Variants in POU6F2 observed in about 807,000 individuals in gnomAD.
POU6F2 encodes POU class 6 homeobox 2.
POU6F2 carries 31 observed loss-of-function variants against 71.3 expected under a neutral mutation model. The ratio of observed to expected loss-of-function variants is 0.43; its 90% CI spans 0.33 to 0.59. The LOEUF (loss-of-function observed/expected upper bound fraction) is 0.59. Ranked by LOEUF, POU6F2 falls within the 20% of genes least tolerant of loss-of-function variation. The pLI is 0.04. For synonymous variants in POU6F2, 347 were observed against 355.7 expected (o/e 0.98, Z 0.27); for missense variants, 783 against 856.8 (o/e 0.91, Z 1.07).
Position 39,364,074 on chromosome 7 carries a change from A to G in POU6F2, c.972+24059A>G, listed in dbSNP as rs78336555. On this transcript the variant is annotated intron_variant, in intron 5 of 9. Transcript: ENST00000518318. ...GAGATCCCGTAGAGGGAGGAAATTG[A>G]TGAAACAAATCAGGGATGTTCTTGA... 6.1e-3 allele frequency among the ~76,000 whole-genome samples: 929 copies of G among 152,288 alleles called. 3 individuals carry two copies. The highest frequency in any genetic ancestry group is 0.021 in the African/African-American group (865 of 41,556).
intron 5 of POU6F2, among the ~76,000 whole-genome samples, chr7:39,359,036 T>C (rs1208425552): frequency 1.3e-5 from 2 of 152,302 alleles, no homozygotes; most frequent in African/African-American, 4.8e-5. Context: ...TTCGCTTCTG[T>C]TTCCTTCATG....
Position 39,226,430 on chromosome 7 carries a change from T to C in POU6F2, c.598+18810T>C, listed in dbSNP as rs77497747. ...TTGTTGAATGCATTCAGCCTTTTACTTGAGGTTATTAGAAGAACATCAAAT... is the reference window on the plus strand; with the variant it reads ...TTGTTGAATGCATTCAGCCTTTTACCTGAGGTTATTAGAAGAACATCAAAT... On this transcript the variant is annotated intron_variant, in intron 4 of 9. Coordinates refer to ENST00000518318, the MANE Select transcript of POU6F2 (RefSeq NM_001370959.1). Among the ~76,000 whole-genome samples, 770 of 152,330 alleles carry C rather than the reference T, an allele frequency of 5.1e-3. 8 individuals carry two copies. The highest frequency in any genetic ancestry group is 0.018 in the African/African-American group (744 of 41,574).
At chr7:39,399,860 CAAAA>C in intron 5 of POU6F2, among the ~76,000 whole-genome samples, 1 of 94,714 alleles carries the variant, frequency 1.1e-5, no homozygotes, top group East Asian at 5.2e-4. Flanking sequence ...AAGAATGTAA[CAAAA>C]AAAAAAAGAA....
chr7:39,025,378 A>T (rs1412904579), intron 1 of POU6F2, among the ~76,000 whole-genome samples: 3 of 152,210 alleles, frequency 2.0e-5, no homozygotes, highest in African/African-American at 7.2e-5. Flanking sequence ...CCAAAACAGC[A>T]TGGTACTGGT....
intron 1 of POU6F2, among the ~76,000 whole-genome samples, chr7:39,002,952 G>A (rs859551): frequency 0.2 from 31,108 of 152,202 alleles, 3,399 homozygotes; most frequent in Middle Eastern, 0.28. Flanking sequence ...CTGAGTTGCT[G>A]TTAGTTATAC....
chr7:39,041,523 C>A (rs1790193347), intron 1 of POU6F2, among the ~76,000 whole-genome samples: 2 of 151,788 alleles, frequency 1.3e-5, no homozygotes, highest in South Asian at 4.2e-4. Flanking sequence ...ATTTTATAGG[C>A]AAAATGATAA....
intron 5 of POU6F2, among the ~76,000 whole-genome samples, chr7:39,360,242 T>C (rs1474226714): frequency 6.6e-6 from 1 of 152,214 alleles, no homozygotes; most frequent in African/African-American, 2.4e-5. Context: ...TTTTGAGATA[T>C]ACTGCCCACA....
Position 39,121,560 on chromosome 7 carries a change from T to G in POU6F2, c.277+35529T>G, listed in dbSNP as rs1792042585. ...TTCTCACTCATTATCTTGTAGTAGGTACATACTATATTTGCTGTTTTCTTT... is the reference window on the plus strand; with the variant it reads ...TTCTCACTCATTATCTTGTAGTAGGGACATACTATATTTGCTGTTTTCTTT... On this transcript the variant is annotated intron_variant, in intron 2 of 9. Transcript: ENST00000518318. Among the ~76,000 whole-genome samples the G allele has an allele frequency of 2.0e-5, 3 of 152,250 alleles. No individual in the cohort carries two copies. In the South Asian group the frequency reaches 6.2e-4, roughly 32 times the overall value.
intron 1 of POU6F2, among the ~76,000 whole-genome samples, chr7:39,014,374 T>C (rs1293119504): frequency 1.3e-5 from 2 of 152,206 alleles, no homozygotes. Context: ...GAGCAGATGC[T>C]ATAACTATAA....
intron 5 of POU6F2, among the ~76,000 whole-genome samples, chr7:39,370,599 C>T (rs1387674286): frequency 1.3e-5 from 2 of 152,206 alleles, no homozygotes; most frequent in Non-Finnish European, 2.9e-5. Context: ...GCCAACTATG[C>T]CCCCTCCCCA....
At chr7:39,115,076 G>A (rs559340734) in intron 2 of POU6F2, among the ~76,000 whole-genome samples, 15 of 152,236 alleles carry the variant, frequency 9.9e-5, no homozygotes, top group South Asian at 2.1e-4. Context: ...TGTCAGGTGC[G>A]TGTGGAAAGC....
intron 6 of POU6F2, among the ~76,000 whole-genome samples, chr7:39,414,794 G>A (rs772738973): frequency 6.7e-6 from 1 of 149,228 alleles, no homozygotes; most frequent in Non-Finnish European, 1.5e-5. Flanking sequence ...AGCCCTCTCT[G>A]AACTCTTTCT....
chr7:39,014,049 C>T (rs759385462), intron 1 of POU6F2, among the ~76,000 whole-genome samples: 1 of 152,154 alleles, frequency 6.6e-6, no homozygotes, highest in Admixed American at 6.5e-5. Flanking sequence ...CTTTTACTGG[C>T]TCATGTGTGA....
At chr7:39,251,851 T>C (rs1783925032) in intron 4 of POU6F2, among the ~76,000 whole-genome samples, 1 of 152,154 alleles carries the variant, frequency 6.6e-6, no homozygotes, top group Admixed American at 6.5e-5. Flanking sequence ...TCCTCCTTTT[T>C]CATTTCTTTC....
intron 5 of POU6F2, among the ~76,000 whole-genome samples, chr7:39,401,194 G>A (rs1787294971): frequency 6.6e-6 from 1 of 152,168 alleles, no homozygotes; most frequent in African/African-American, 2.4e-5. Context: ...ATGTTGCAGT[G>A]CCTCAGAGGC....
At chr7:39,229,938 C>T (rs1794544155) in intron 4 of POU6F2, among the ~76,000 whole-genome samples, 1 of 152,206 alleles carries the variant, frequency 6.6e-6, no homozygotes, top group Non-Finnish European at 1.5e-5. Flanking sequence ...CAAAACTCAT[C>T]TCACTTACTT....
intron 5 of POU6F2, among the ~76,000 whole-genome samples, chr7:39,376,211 A>G (rs1292689195): frequency 6.6e-6 from 1 of 152,222 alleles, no homozygotes; most frequent in Non-Finnish European, 1.5e-5. Flanking sequence ...TTTGCCTTAT[A>G]GGGTCATATA....
chr7:39,117,756 TA>T (rs1791961856), intron 2 of POU6F2, among the ~76,000 whole-genome samples: 1 of 152,078 alleles, frequency 6.6e-6, no homozygotes, highest in African/African-American at 2.4e-5. Flanking sequence ...TGAAAACCTA[TA>T]AAAAGCAGTC....
chr7:39,225,522 A>G (rs746176327), intron 4 of POU6F2, among the ~76,000 whole-genome samples: 1 of 152,200 alleles, frequency 6.6e-6, no homozygotes, highest in East Asian at 1.9e-4. Flanking sequence ...ATTTCGAAGC[A>G]TGTTACCTTT....
Sources: allele counts gnomAD v4.1 joint callset (sites outside exome capture counted in the v4.1 genomes callset), GRCh38; gene constraint gnomAD v4.1.1; transcripts MANE v1.5; gene names NCBI Gene and HGNC (gene_info 2026-07-23, HGNC 2026-07-21).